The following HIPK2 variants were observed in gnomAD, a reference collection of about 807,000 sequenced individuals.
The protein encoded by HIPK2 is homeodomain-interacting protein kinase 2.
HIPK2 carries 27 observed loss-of-function variants against 113.7 expected under a neutral mutation model. That is an observed-to-expected ratio of 0.24 (90% CI 0.17 to 0.33). The LOEUF (loss-of-function observed/expected upper bound fraction) is 0.33, where lower values mean the gene tolerates loss of function less well. Ranked by LOEUF, HIPK2 falls within the 10% of genes least tolerant of loss-of-function variation. HIPK2 has a pLI of 1.00. For missense variants in HIPK2, 1,257 were observed against 1,588.0 expected, an observed-to-expected ratio of 0.79 and a Z score of 3.54; for synonymous variants, 631 against 642.2, an observed-to-expected ratio of 0.98 and a Z score of 0.26.
rs573642245 is a variant in HIPK2 at position 139,562,768 on chromosome 7, C to G, written c.*10159G>C. ...GGACACAGCCCATGCACGTCCAAGA[C>G]ACCAGTCTTGACTCCGACCTCTAAA... On this transcript the variant is annotated 3_prime_UTR_variant, in exon 15 of 15. Coordinates refer to ENST00000406875, the MANE Select transcript of HIPK2 (RefSeq NM_022740.5). 1.3e-5 allele frequency: 2 copies of G among 152,384 alleles called. No individual in the cohort carries two copies. Among genetic ancestry groups the G allele is most frequent in the African/African-American group, 4.8e-5 (2 of 41,592 alleles). 9.4% of individuals were successfully genotyped at this position (152,384 alleles called of 1,614,324 possible).
intron 1 of HIPK2, among the ~76,000 whole-genome samples, chr7:139,718,842 C>T (rs1374129475): frequency 6.6e-6 from 1 of 152,176 alleles, no homozygotes; most frequent in African/African-American, 2.4e-5. Context: ...TTCTTTCCCT[C>T]CTCTCACCTG....
intron 6 of HIPK2, 152 bp downstream of exon 6, chr7:139,626,449 T>G: frequency 3.7e-6 from 1 of 270,150 alleles, no homozygotes; most frequent in Non-Finnish European, 5.7e-6. Context: ...CTCACTCATC[T>G]GTTTATGTAT....
intron 2 of HIPK2, among the ~76,000 whole-genome samples, chr7:139,670,755 CTTTCT>C (rs1357946229): frequency 1.6e-4 from 6 of 37,022 alleles, no homozygotes; most frequent in East Asian, 2.7e-3. Context: ...TTCTTTCTTT[CTTTCT>C]TTTTTTTTTT....
chr7:139,593,767 A>G (rs1328246408), intron 12 of HIPK2, among the ~76,000 whole-genome samples: 1 of 152,268 alleles, frequency 6.6e-6, no homozygotes, highest in East Asian at 1.9e-4. Flanking sequence ...ACATGCCCAC[A>G]GCATGGAGAA....
At chr7:139,717,064 A>G in intron 1 of HIPK2, 49 bp from the exon 2 acceptor site, 1 of 1,556,670 alleles carries the variant, frequency 6.4e-7, no homozygotes, top group Non-Finnish European at 8.7e-7. Flanking sequence ...ACCTTGGTAC[A>G]AGTAAACTCA....
At chr7:139,749,283 C>G (rs780304893) in intron 1 of HIPK2, among the ~76,000 whole-genome samples, 1 of 152,242 alleles carries the variant, frequency 6.6e-6, no homozygotes, top group African/African-American at 2.4e-5. Context: ...TATCCACCAG[C>G]ACAGTGGACC....
intron 7 of HIPK2, among the ~76,000 whole-genome samples, chr7:139,620,173 A>G (rs1161480912): frequency 3.3e-5 from 5 of 152,194 alleles, no homozygotes; most frequent in Admixed American, 6.5e-5. Flanking sequence ...ACCATCTCAG[A>G]AAGAATGGCC....
At chr7:139,704,244 C>CG (rs1309734637) in intron 2 of HIPK2, among the ~76,000 whole-genome samples, 1 of 1,566 alleles carries the variant, frequency 6.4e-4, no homozygotes, top group Non-Finnish European at 1.4e-3. Context: ...AACACATGCA[C>CG]CCCTCCACAC....
chr7:139,634,866 C>T (rs369590977), intron 2 of HIPK2, among the ~76,000 whole-genome samples: 2 of 151,658 alleles, frequency 1.3e-5, no homozygotes, highest in East Asian at 1.9e-4. Flanking sequence ...TTAGCAGAGG[C>T]GGGTTTTCAC....
chr7:139,645,774 A>G (rs1415526382), intron 2 of HIPK2, among the ~76,000 whole-genome samples: 3 of 152,320 alleles, frequency 2.0e-5, no homozygotes, highest in Non-Finnish European at 4.4e-5. Context: ...ATTTTAGAGC[A>G]GGGAGCATCC....
intron 1 of HIPK2, among the ~76,000 whole-genome samples, chr7:139,725,098 G>A (rs1324014193): frequency 6.6e-6 from 1 of 152,142 alleles, no homozygotes; most frequent in Non-Finnish European, 1.5e-5. Flanking sequence ...GAGCACAACA[G>A]GAAACACAAA....
chr7:139,757,903 C>T (rs571341014), intron 1 of HIPK2, among the ~76,000 whole-genome samples: 55 of 152,130 alleles, frequency 3.6e-4, no homozygotes, highest in African/African-American at 1.3e-3. Context: ...TCCTCATATG[C>T]AAACAAGAGG....
chr7:139,605,747 C>T (rs1200093470), intron 9 of HIPK2, among the ~76,000 whole-genome samples: 5 of 152,284 alleles, frequency 3.3e-5, no homozygotes, highest in East Asian at 3.9e-4. Flanking sequence ...AGGGACCATG[C>T]GCATACCATG....
intron 1 of HIPK2, among the ~76,000 whole-genome samples, chr7:139,742,361 A>G (rs1796116960): frequency 6.6e-6 from 1 of 152,274 alleles, no homozygotes; most frequent in South Asian, 2.1e-4. Flanking sequence ...AAACAGTTTA[A>G]GAAATGCTGG....
In HIPK2 at chr7:139,631,559, T is replaced by G. The variant is rs368809289; in HGVS notation, c.1227+43A>C. On this transcript the variant is annotated intron_variant, in intron 3 of 14. Coordinates refer to ENST00000406875, the MANE Select transcript of HIPK2 (RefSeq NM_022740.5). This position sits in a 1 kb window ranked among gnomAD's most constrained non-coding sequence, Gnocchi z 4.9. Reference sequence around the variant, plus strand: ...ATGCTAATCCAGGCTATTTTCCAGATGAAGAATGAGGTCTTGTGAATATCT... The same window carrying G: ...ATGCTAATCCAGGCTATTTTCCAGAGGAAGAATGAGGTCTTGTGAATATCT... 13 of 1,596,694 alleles carry G rather than the reference T, an allele frequency of 8.1e-6. No homozygotes were observed. Among genetic ancestry groups the G allele is most frequent in the Non-Finnish European group, 1.0e-5 (12 of 1,170,374 alleles).
rs1261725981 is a variant in HIPK2, at chr7:139,569,972, A to T, written c.*2955T>A. The T allele has an allele frequency of 6.6e-6, 1 of 152,216 alleles. No individual in the cohort carries two copies. Among genetic ancestry groups the T allele is most frequent in the Non-Finnish European group, 1.5e-5 (1 of 68,036 alleles). The allele number at this position is 152,216 out of a possible 1,614,324, so 9.4% of individuals were successfully genotyped here. ...GAGCAGCATGGAAATTTCATTCCTGATCTGGAAGAATAAAAGGAAAGAAAA... is the reference window on the plus strand; with the variant it reads ...GAGCAGCATGGAAATTTCATTCCTGTTCTGGAAGAATAAAAGGAAAGAAAA... On this transcript the variant is annotated 3_prime_UTR_variant, in exon 15 of 15. Coordinates refer to ENST00000406875, the MANE Select transcript of HIPK2 (RefSeq NM_022740.5).
At chr7:139,741,925 T>A (rs1351956718) in intron 1 of HIPK2, among the ~76,000 whole-genome samples, 5 of 152,204 alleles carry the variant, frequency 3.3e-5, no homozygotes. Flanking sequence ...CATCTAAGCC[T>A]CACGGCAACC....
chr7:139,609,762 A>G (rs1453088353), intron 9 of HIPK2, among the ~76,000 whole-genome samples: 1 of 152,212 alleles, frequency 6.6e-6, no homozygotes, highest in African/African-American at 2.4e-5. Flanking sequence ...ACAAGCAGAG[A>G]GAAAAATAAA....
At chr7:139,700,663 G>A (rs1192343426) in intron 2 of HIPK2, among the ~76,000 whole-genome samples, 3 of 152,200 alleles carry the variant, frequency 2.0e-5, no homozygotes, top group African/African-American at 7.2e-5. Context: ...TTTCTCTCGT[G>A]AGGCTTTCTC....
Sources: gnomAD v4.1 joint callset for allele counts (sites outside exome capture counted in the v4.1 genomes callset) on GRCh38, gnomAD v4.1.1 for gene constraint, Gnocchi (gnomAD v3.1) non-coding constraint, MANE v1.5 for transcripts, NCBI Gene and HGNC (gene_info 2026-07-23, HGNC 2026-07-21) for gene names.